The following TRIM31 variants were observed in gnomAD, a reference collection of about 807,000 sequenced individuals.
TRIM31 encodes the protein tripartite motif containing 31, also known as E3 ubiquitin-protein ligase TRIM31.
Under a neutral mutation model 40.6 loss-of-function variants are expected in TRIM31, and 31 were observed. The observed-to-expected ratio is 0.76, with a 90% CI of 0.57 to 1.03. The LOEUF (loss-of-function observed/expected upper bound fraction) is 1.03. TRIM31 is among the 50% of genes least tolerant of loss of function. TRIM31 has a pLI of 0.00. For synonymous variants in TRIM31, 164 were observed against 193.9 expected, an observed-to-expected ratio of 0.85 and a Z score of 1.28; for missense variants, 455 against 497.5, an observed-to-expected ratio of 0.91 and a Z score of 0.81.
intron 3 of TRIM31, 97 bp downstream of exon 3, chr6:30,111,551 T>C (rs1040601369): frequency 1.6e-6 from 2 of 1,257,996 alleles, no homozygotes; most frequent in African/African-American, 3.0e-5. Flanking sequence ...CATGGCTCAC[T>C]GGATCTTTTT....
Position 30,110,664 on chromosome 6 carries a change from A to C in TRIM31, c.528T>G (p.His176Gln). ...ATTCTGTGAGGATCCTTTGCTTCTCATGTTCTACCTGGTCCTAAGAAACAG... is the reference window on the plus strand; with the variant it reads ...ATTCTGTGAGGATCCTTTGCTTCTCCTGTTCTACCTGGTCCTAAGAAACAG... ...RVDVFTDQVE[H>Q]EKQRILTEFE... is the part of the protein sequence containing the mutation. The change falls in exon 4 of 9, where the codon CAT (histidine) becomes CAG (glutamine). Residue 176 changes from histidine (H) to glutamine (Q), a missense_variant. Transcript: ENST00000376734. 1 of 1,614,090 alleles carries C rather than the reference A, an allele frequency of 6.2e-7. No homozygotes were observed. The highest frequency in any genetic ancestry group is 8.5e-7 in the Non-Finnish European group (1 of 1,180,016).
At chr6:30,110,252 AATTAT>A (rs2127390426) in intron 4 of TRIM31, among the ~76,000 whole-genome samples, 191 bp downstream of exon 4, 1 of 152,322 alleles carries the variant, frequency 6.6e-6, no homozygotes, top group African/African-American at 2.4e-5. Context: ...ATGTGGCCAG[AATTAT>A]ATTTATGAAT....
intron 4 of TRIM31, 57 bp from the exon 5 acceptor site, chr6:30,109,105 AG>A (rs1769039420): frequency 1.3e-6 from 2 of 1,589,806 alleles, no homozygotes; most frequent in East Asian, 4.5e-5. Flanking sequence ...CCAGGAGCCA[AG>A]GAGGAGATAC....
rs778411268 is a variant in TRIM31, at chr6:30,108,108, G to A, written c.828C>T (p.Leu276=). 5 of 1,611,272 alleles carry A rather than the reference G, an allele frequency of 3.1e-6. No homozygotes were observed. In the Admixed American group the frequency reaches 8.3e-5, roughly 27 times the overall value. Residue 276 remains leucine, a synonymous_variant, in exon 6 of 9, where the codon CTC becomes CTT. Coordinates refer to ENST00000376734, the MANE Select transcript of TRIM31 (RefSeq NM_007028.5). ...TPVPLELEKK[L]SEAKSRHDSI... is the part of the protein sequence containing the mutation. ...AGTCATGTCTTGATTTTGCTTCACT[G>A]AGTTTTTTCTCCAGTTCCAGAGGAA...
chr6:30,111,295 G>A, intron 3 of TRIM31: 3 of 255,548 alleles, frequency 1.2e-5, no homozygotes, highest in South Asian at 7.2e-5. Flanking sequence ...CAGCCTCCCA[G>A]AGTGCTGTGA....
chr6:30,112,294 G>T (rs1357524912), intron 2 of TRIM31, 95 bp downstream of exon 2: 6 of 1,444,870 alleles, frequency 4.2e-6, no homozygotes, highest in Non-Finnish European at 5.6e-6. Flanking sequence ...TGGGGGCAAT[G>T]GGGTGCAAAC....
intron 3 of TRIM31, chr6:30,111,425 CCG>C: frequency 1.8e-6 from 1 of 542,902 alleles, no homozygotes; most frequent in East Asian, 3.0e-5. Context: ...CGCGGGTTTT[CCG>C]TGCCCCACCT....
intron 3 of TRIM31, among the ~76,000 whole-genome samples, chr6:30,110,959 TAG>T (rs1769244378): frequency 6.6e-6 from 1 of 152,114 alleles, no homozygotes; most frequent in Non-Finnish European, 1.5e-5. Flanking sequence ...ATCTTTCATA[TAG>T]ATTTTATTCC....
At chr6:30,107,990 G>A (rs757175853) in intron 6 of TRIM31, 63 bp downstream of exon 6, 9 of 1,089,152 alleles carry the variant, frequency 8.3e-6, no homozygotes, top group Non-Finnish European at 6.9e-6. Context: ...CATTTCAGTG[G>A]AGTGAGCAGG....
chr6:30,109,922 T>C (rs1435078212), intron 4 of TRIM31, among the ~76,000 whole-genome samples: 3 of 152,040 alleles, frequency 2.0e-5, no homozygotes, highest in Non-Finnish European at 4.4e-5. Flanking sequence ...AACACAACTT[T>C]ATTGATTTGG....
At chr6:30,106,988 G>A (rs1472729689) in intron 6 of TRIM31, among the ~76,000 whole-genome samples, 4 of 152,240 alleles carry the variant, frequency 2.6e-5, no homozygotes, top group South Asian at 4.2e-4. Flanking sequence ...TAACACCAGC[G>A]ACTTGGGAAG....
chr6:30,105,465 G>T, intron 6 of TRIM31: 1 of 370,182 alleles, frequency 2.7e-6, no homozygotes, highest in Non-Finnish European at 4.8e-6. Context: ...TATGAATGAT[G>T]AATGTAATCT....
chr6:30,105,129 C>G, intron 7 of TRIM31, 39 bp downstream of exon 7: 1 of 1,579,820 alleles, frequency 6.3e-7, no homozygotes, highest in Non-Finnish European at 8.7e-7. Flanking sequence ...CTCACTTTCC[C>G]CAAATGGCAG....
In TRIM31 at chr6:30,110,674, T is replaced by G; in HGVS notation, c.518A>C (p.Gln173Pro). The change falls in exon 4 of 9, where the codon CAG becomes CCG. Residue 173 changes from glutamine to proline, a missense_variant. By Grantham distance (76) the Gln-to-Pro change is moderately conservative. Coordinates refer to ENST00000376734, the MANE Select transcript of TRIM31 (RefSeq NM_007028.5). ...GVHRVDVFTD[Q>P]VEHEKQRILT... ...GATCCTTTGCTTCTCATGTTCTACC[T>G]GGTCCTAAGAAACAGGGACAGGCAG... 6 of 1,614,100 alleles carry G rather than the reference T, an allele frequency of 3.7e-6. No individual in the cohort carries two copies. Among genetic ancestry groups the G allele is most frequent in the Non-Finnish European group, 5.1e-6 (6 of 1,179,976 alleles).
rs1242889687 is a variant in TRIM31 at position 30,103,466 on chromosome 6, A to G, written c.*70T>C. 4.4e-6 allele frequency: 7 copies of G among 1,591,862 alleles called. No homozygotes were observed. The highest frequency in any genetic ancestry group is 6.0e-6 in the Non-Finnish European group (7 of 1,169,992). On this transcript the variant is annotated 3_prime_UTR_variant, in exon 9 of 9. Coordinates refer to ENST00000376734, the MANE Select transcript of TRIM31 (RefSeq NM_007028.5). ...TCAAGAACCGTGGTCGGTCTCAGCC[A>G]CTCACTCAGCGCCACTCTATGCTCC... is the stretch of plus-strand genomic sequence containing the variant.
chr6:30,105,125 T>C, intron 7 of TRIM31, 43 bp downstream of exon 7: 1 of 1,563,346 alleles, frequency 6.4e-7, no homozygotes, highest in Non-Finnish European at 8.8e-7. Context: ...TTTTCTCACT[T>C]TCCCCAAATG....
chr6:30,103,517 C>G lies in TRIM31; in HGVS notation c.*19G>C. The G allele has an allele frequency of 6.2e-7, 1 of 1,611,856 alleles. No individual in the cohort carries two copies. The highest frequency in any genetic ancestry group is 8.5e-7 in the Non-Finnish European group (1 of 1,179,240). ...GAAGTCCGTGTAGCACCACCGCTCC[C>G]CGTGTTCTCTGAGCTGGCTTAGCTT... On this transcript the variant is annotated 3_prime_UTR_variant, in exon 9 of 9. Coordinates refer to ENST00000376734, the MANE Select transcript of TRIM31 (RefSeq NM_007028.5).
At position 30,104,175 on chromosome 6, in the gene TRIM31, T is replaced by C. The variant is rs527803615; in HGVS notation, c.959-8A>G. ...TTTTCTGTAACAAGCCCCCTAAAAA[T>C]TGGGGAGAGAAAACCTATTTGGTCT... On this transcript the variant is annotated splice_region_variant and splice_polypyrimidine_tract_variant and intron_variant, in intron 7 of 8. Transcript: ENST00000376734. The C allele has an allele frequency of 2.0e-5, 32 of 1,612,758 alleles. No individual in the cohort carries two copies. The highest frequency in any genetic ancestry group is 1.5e-4 in the Admixed American group (9 of 59,988).
Position 30,112,529 on chromosome 6 carries a change from C to G in TRIM31, c.277G>C (p.Ala93Pro), listed in dbSNP as rs779444991. 1.2e-6 allele frequency: 2 copies of G among 1,613,128 alleles called. No homozygotes were observed. Among genetic ancestry groups the G allele is most frequent in the Middle Eastern group, 1.6e-4 (1 of 6,062 alleles). The part of the protein sequence containing the change: ...ASEVQSKRKE[A>P]TCPRHQEMFH... ...ATCTCCTGGTGCCTCGGGCATGTAG[C>G]CTCTTTCCTTTTGGACTGCACCTCA... The change falls in exon 2 of 9, where the codon GCT (alanine) becomes CCT (proline). Residue 93 changes from alanine to proline, a missense_variant. By Grantham distance (27) the Ala-to-Pro change is conservative. Coordinates refer to ENST00000376734, the MANE Select transcript of TRIM31 (RefSeq NM_007028.5).
Sources: allele counts gnomAD v4.1 joint callset (sites outside exome capture counted in the v4.1 genomes callset), GRCh38; gene constraint gnomAD v4.1.1; transcripts MANE v1.5; gene names NCBI Gene and HGNC (gene_info 2026-07-23, HGNC 2026-07-21).